The following SPATA16 variants were observed in gnomAD, a reference collection of about 807,000 sequenced individuals.
The protein encoded by SPATA16 is spermatogenesis-associated protein 16.
A neutral mutation model predicts 63.3 loss-of-function variants in SPATA16; 36 were observed. The observed-to-expected ratio is 0.57, with a 90% CI of 0.44 to 0.75. The LOEUF is 0.75. Among genes scored for constraint, SPATA16 ranks in the 30% least tolerant of loss-of-function variants. The probability of loss-of-function intolerance (pLI) is 0.00; values close to 1 mark genes in which losing one functional copy is unlikely to be tolerated. For synonymous variants in SPATA16, 203 were observed against 216.7 expected (o/e 0.94, Z 0.56); for missense variants, 646 against 679.3 (o/e 0.95, Z 0.54).
chr3:173,096,633 A>C (rs1293968027), intron 2 of SPATA16, among the ~76,000 whole-genome samples: 1 of 152,270 alleles, frequency 6.6e-6, no homozygotes, highest in Admixed American at 6.5e-5. Flanking sequence ...ATAAAGGAAA[A>C]TAGACCTTCT....
At chr3:172,960,951 CT>C (rs751373930) in intron 5 of SPATA16, among the ~76,000 whole-genome samples, 84 of 140,764 alleles carry the variant, frequency 6.0e-4, no homozygotes, top group Non-Finnish European at 1.1e-3. Context: ...CTCTTCCCCC[CT>C]CCCTCTCTCT....
chr3:173,061,919 C>G (rs1416392357), intron 2 of SPATA16, among the ~76,000 whole-genome samples: 1 of 152,142 alleles, frequency 6.6e-6, no homozygotes, highest in Non-Finnish European at 1.5e-5. Flanking sequence ...GTCAAGTAGG[C>G]CATGATGTGA....
chr3:172,955,352 T>G (rs1033248989), intron 6 of SPATA16, among the ~76,000 whole-genome samples: 1 of 152,184 alleles, frequency 6.6e-6, no homozygotes, highest in African/African-American at 2.4e-5. Flanking sequence ...GCTAGATAGA[T>G]ATGACTTTTA....
intron 2 of SPATA16, among the ~76,000 whole-genome samples, chr3:173,052,028 C>G (rs1265544550): frequency 6.6e-6 from 1 of 152,148 alleles, no homozygotes; most frequent in African/African-American, 2.4e-5. Context: ...CCAGTCTGGT[C>G]TTGAACTCCT....
intron 6 of SPATA16, among the ~76,000 whole-genome samples, chr3:172,935,531 C>T (rs978245090): frequency 6.6e-6 from 1 of 152,058 alleles, no homozygotes; most frequent in Admixed American, 6.6e-5. Context: ...TATTTTTAGG[C>T]TCTTCTTGCA....
At chr3:173,119,398 A>G (rs962669878) in intron 1 of SPATA16, among the ~76,000 whole-genome samples, 1 of 152,202 alleles carries the variant, frequency 6.6e-6, no homozygotes, top group African/African-American at 2.4e-5. Context: ...AACTGTTCCT[A>G]TGGCTCTAAC....
At chr3:172,995,207 A>G (rs1175867184) in intron 4 of SPATA16, among the ~76,000 whole-genome samples, 1 of 152,084 alleles carries the variant, frequency 6.6e-6, no homozygotes, top group Non-Finnish European at 1.5e-5. Context: ...TTGGGAAAGA[A>G]AAATCAGGGG....
At chr3:173,072,851 G>T (rs1736705516) in intron 2 of SPATA16, among the ~76,000 whole-genome samples, 1 of 152,214 alleles carries the variant, frequency 6.6e-6, no homozygotes, top group Non-Finnish European at 1.5e-5. Context: ...TGGTTTGGAG[G>T]ACTCAGAAGA....
chr3:173,091,564 C>T (rs1323841638), intron 2 of SPATA16, among the ~76,000 whole-genome samples: 1 of 151,758 alleles, frequency 6.6e-6, no homozygotes, highest in Non-Finnish European at 1.5e-5. Flanking sequence ...CTTTTGTAGC[C>T]AAAAAGTCAA....
intron 2 of SPATA16, among the ~76,000 whole-genome samples, chr3:173,114,250 A>G (rs1328951896): frequency 6.6e-6 from 1 of 151,620 alleles, no homozygotes; most frequent in East Asian, 1.9e-4. Flanking sequence ...GAGAGATGCT[A>G]CTTATCCTTC....
intron 5 of SPATA16, among the ~76,000 whole-genome samples, chr3:172,970,336 C>T (rs1734021637): frequency 6.6e-6 from 1 of 152,084 alleles, no homozygotes; most frequent in South Asian, 2.1e-4. Flanking sequence ...CTTACCTTTC[C>T]CTATATCTTA....
At chr3:172,906,715 C>T (rs1423654023) in intron 10 of SPATA16, among the ~76,000 whole-genome samples, 2 of 152,046 alleles carry the variant, frequency 1.3e-5, no homozygotes, top group Admixed American at 6.6e-5. Flanking sequence ...AGGCAAACTG[C>T]TAAACTTCTC....
intron 3 of SPATA16, among the ~76,000 whole-genome samples, chr3:173,034,485 G>A (rs375317332): frequency 1.9e-4 from 29 of 152,140 alleles, no homozygotes; most frequent in South Asian, 1.9e-3. Context: ...TTTTTGATTC[G>A]TGGAAGTATT....
rs184198949 is a variant in SPATA16, at chr3:173,022,228, T to C, written c.759-2653A>G. ...TAATTATAATTCCTCTGTATGGTGT[T>C]GAAGAAATGCAAGTAGAGGACATGA... On this transcript the variant is annotated intron_variant, in intron 3 of 10. Transcript: ENST00000351008. 1.5e-4 allele frequency among the ~76,000 whole-genome samples: 23 copies of C among 152,178 alleles called. 1 individual carries two copies. Among genetic ancestry groups the C allele is most frequent in the Admixed American group, 1.5e-3 (23 of 15,280 alleles).
At chr3:173,115,715 A>G (rs1210522808) in intron 2 of SPATA16, among the ~76,000 whole-genome samples, 1 of 152,150 alleles carries the variant, frequency 6.6e-6, no homozygotes, top group Non-Finnish European at 1.5e-5. Flanking sequence ...ATATTTAGGG[A>G]CACCATTGTC....
chr3:173,091,788 C>A (rs1191049417), intron 2 of SPATA16, among the ~76,000 whole-genome samples: 1 of 151,998 alleles, frequency 6.6e-6, no homozygotes, highest in Non-Finnish European at 1.5e-5. Context: ...GGAACTAGCC[C>A]CTACGTTTGA....
At chr3:172,938,544 A>G (rs1733066621) in intron 6 of SPATA16, among the ~76,000 whole-genome samples, 1 of 152,162 alleles carries the variant, frequency 6.6e-6, no homozygotes, top group Admixed American at 6.6e-5. Flanking sequence ...AACAAGTTCT[A>G]TTTACCCCAA....
intron 4 of SPATA16, among the ~76,000 whole-genome samples, chr3:173,002,896 C>T (rs994412923): frequency 1.2e-4 from 19 of 152,040 alleles, no homozygotes; most frequent in South Asian, 2.1e-4. Flanking sequence ...CTCTCTCATA[C>T]GCAGAAATCA....
intron 2 of SPATA16, among the ~76,000 whole-genome samples, chr3:173,113,710 A>G (rs1043058681): frequency 2.0e-5 from 3 of 152,196 alleles, no homozygotes; most frequent in African/African-American, 7.2e-5. Context: ...AAACATTCCT[A>G]ATGGGTTTAT....
Sources: gnomAD v4.1 joint callset for allele counts (sites outside exome capture counted in the v4.1 genomes callset) on GRCh38, gnomAD v4.1.1 for gene constraint, MANE v1.5 for transcripts, NCBI Gene and HGNC (gene_info 2026-07-23, HGNC 2026-07-21) for gene names.